COL6A5: variants seen among roughly 807,000 people sequenced by gnomAD.
The protein encoded by COL6A5 is collagen alpha-5(VI) chain.
In COL6A5, 48 loss-of-function variants were observed where a neutral mutation model predicts 65.6. The ratio of observed to expected loss-of-function variants is 0.73; its 90% CI spans 0.58 to 0.93. The LOEUF (loss-of-function observed/expected upper bound fraction) is 0.93, where lower values mean the gene tolerates loss of function less well. Ranked by LOEUF, COL6A5 falls within the 40% of genes least tolerant of loss-of-function variation. The pLI is 0.00. For missense variants in COL6A5, 914 were observed against 928.3 expected, an observed-to-expected ratio of 0.98 and a Z score of 0.20; for synonymous variants, 291 against 322.8, an observed-to-expected ratio of 0.90 and a Z score of 1.05.
chr3:130,416,789 C>G (rs780308580), exon 24 of COL6A5: 1 of 1,532,074 alleles, frequency 6.5e-7, no homozygotes, highest in Admixed American at 2.0e-5. Flanking sequence ...CTAAAGGGAG[C>G]ACTGGAAGAC....
intron 5 of COL6A5, among the ~76,000 whole-genome samples, chr3:130,463,019 T>C (rs1367256492): frequency 1.3e-5 from 2 of 152,048 alleles, no homozygotes; most frequent in Non-Finnish European, 2.9e-5. Flanking sequence ...TGCTCATCTG[T>C]AAAATGGAAA....
intron 1 of COL6A5, among the ~76,000 whole-genome samples, chr3:130,352,077 C>T (rs1329755266): frequency 6.6e-6 from 1 of 151,878 alleles, no homozygotes; most frequent in Non-Finnish European, 1.5e-5. Flanking sequence ...AAACACCGCA[C>T]GTTCTCACTC....
intron 7 of COL6A5, among the ~76,000 whole-genome samples, chr3:130,482,107 T>G (rs1710262694): frequency 6.6e-6 from 1 of 152,232 alleles, no homozygotes; most frequent in Admixed American, 6.5e-5. Flanking sequence ...GTTTTAGTCA[T>G]GAAGTCTTTG....
chr3:130,368,539 G>A (rs564408098), intron 1 of COL6A5, among the ~76,000 whole-genome samples: 1 of 148,456 alleles, frequency 6.7e-6, no homozygotes, highest in East Asian at 2.4e-4. Context: ...GTGAGTGTGT[G>A]TGAGAGAGTG....
intron 12 of COL6A5, 137 bp from the exon 13 acceptor site, chr3:130,403,472 C>G (rs1936879778): frequency 4.4e-6 from 3 of 680,694 alleles, no homozygotes; most frequent in Non-Finnish European, 7.7e-6. Context: ...TCAGATTCTC[C>G]CCAAACTCAC....
At chr3:130,450,205 AT>A (rs915195985) in intron 4 of COL6A5, among the ~76,000 whole-genome samples, 2 of 152,070 alleles carry the variant, frequency 1.3e-5, no homozygotes, top group African/African-American at 4.8e-5. Context: ...GAAGTGTCCC[AT>A]TTGATGTTGG....
At chr3:130,388,710 AACCCAG>A in exon 6 of COL6A5, 1 of 1,551,378 alleles carries the variant, frequency 6.4e-7, no homozygotes, top group African/African-American at 1.4e-5. Flanking sequence ...GTGCAGACAA[AACCCAG>A]ATTGGTGTTG....
intron 1 of COL6A5, among the ~76,000 whole-genome samples, chr3:130,360,015 G>A (rs1176243371): frequency 6.6e-6 from 1 of 151,794 alleles, no homozygotes; most frequent in South Asian, 2.1e-4. Context: ...AACTACATCA[G>A]CTCAAAATTT....
exon 4 of COL6A5, chr3:130,379,840 G>A: frequency 6.4e-7 from 1 of 1,551,320 alleles, no homozygotes; most frequent in South Asian, 1.2e-5. Flanking sequence ...CCTTCGACTG[G>A]AGGATGTAAA....
chr3:130,414,157 T>G (rs1185771334), intron 22 of COL6A5, 26 bp downstream of exon 22: 1 of 1,486,778 alleles, frequency 6.7e-7, no homozygotes, highest in Non-Finnish European at 9.2e-7. Context: ...TTGTAAATAT[T>G]GATAAATGCT....
At chr3:130,396,885 T>G (rs916052743) in intron 8 of COL6A5, among the ~76,000 whole-genome samples, 1 of 152,240 alleles carries the variant, frequency 6.6e-6, no homozygotes, top group Non-Finnish European at 1.5e-5. Flanking sequence ...TTTTTTGAGA[T>G]GGAGTCTCGC....
At chr3:130,422,459 A>T (rs1212198598) in intron 27 of COL6A5, among the ~76,000 whole-genome samples, 1 of 152,028 alleles carries the variant, frequency 6.6e-6, no homozygotes, top group Admixed American at 6.6e-5. Context: ...TTCTTTGGAT[A>T]TTCGTAGTAA....
intron 25 of COL6A5, 24 bp from the exon 26 acceptor site, chr3:130,421,128 GA>G (rs1559893519): frequency 6.5e-6 from 10 of 1,547,872 alleles, no homozygotes; most frequent in East Asian, 2.4e-5. Flanking sequence ...TTGAGAAATT[GA>G]AAAAAACTGG....
chr3:130,353,914 G>T (rs939994333), intron 1 of COL6A5, among the ~76,000 whole-genome samples: 1 of 151,858 alleles, frequency 6.6e-6, no homozygotes, highest in Non-Finnish European at 1.5e-5. Flanking sequence ...TGAAAAAGAC[G>T]CATCTTTTAA....
At chr3:130,365,504 C>T (rs1302143079) in intron 1 of COL6A5, among the ~76,000 whole-genome samples, 1 of 152,172 alleles carries the variant, frequency 6.6e-6, no homozygotes, top group Non-Finnish European at 1.5e-5. Flanking sequence ...GTCTCGATCT[C>T]CTGACCTCGT....
At chr3:130,472,568 C>T (rs936124740) in intron 7 of COL6A5, among the ~76,000 whole-genome samples, 1 of 151,834 alleles carries the variant, frequency 6.6e-6, no homozygotes, top group African/African-American at 2.4e-5. Context: ...AATAAATATT[C>T]CTTGGTATCT....
chr3:130,376,798 C>T (rs1423095480), exon 3 of COL6A5: 2 of 1,613,174 alleles, frequency 1.2e-6, no homozygotes, highest in Non-Finnish European at 8.5e-7. Context: ...AAGGATGTAA[C>T]CAAGTATAAG....
intron 7 of COL6A5, among the ~76,000 whole-genome samples, chr3:130,473,062 A>G (rs1709999885): frequency 1.3e-5 from 2 of 151,250 alleles, no homozygotes; most frequent in African/African-American, 2.4e-5. Flanking sequence ...GAAGATAGAT[A>G]TAATAAAATA....
chr3:130,389,227 C>T (rs1404693036), intron 6 of COL6A5, 93 bp downstream of exon 6: 13 of 771,086 alleles, frequency 1.7e-5, no homozygotes, highest in Middle Eastern at 2.5e-4. Flanking sequence ...CTGACCTCCA[C>T]CTGGACTTCA....
Sources: allele counts gnomAD v4.1 joint callset (sites outside exome capture counted in the v4.1 genomes callset), GRCh38; gene constraint gnomAD v4.1.1; transcripts MANE v1.5; gene names NCBI Gene and HGNC (gene_info 2026-07-23, HGNC 2026-07-21).